The following FRMD4B variants were observed in gnomAD, a reference collection of about 807,000 sequenced individuals.
The protein encoded by FRMD4B is FERM domain containing 4B.
Under a neutral mutation model 141.5 loss-of-function variants are expected in FRMD4B, and 74 were observed. The observed-to-expected ratio is 0.52, with a 90% CI of 0.43 to 0.63. The LOEUF (loss-of-function observed/expected upper bound fraction) is 0.63. Ranked by LOEUF, FRMD4B falls within the 30% of genes least tolerant of loss-of-function variation. FRMD4B has a pLI of 0.00. For synonymous variants in FRMD4B, 506 were observed against 467.9 expected, an observed-to-expected ratio of 1.08 and a Z score of -1.05; for missense variants, 1,366 against 1,253.4, an observed-to-expected ratio of 1.09 and a Z score of -1.36.
intron 1 of FRMD4B, among the ~76,000 whole-genome samples, chr3:69,343,613 T>A (rs1702824722): frequency 1.4e-5 from 2 of 142,928 alleles, no homozygotes; most frequent in Non-Finnish European, 3.0e-5. Flanking sequence ...GGGGTCTCGC[T>A]CTGTCACCCA....
intron 1 of FRMD4B, among the ~76,000 whole-genome samples, chr3:69,487,330 T>A (rs1706231200): frequency 6.6e-6 from 1 of 152,198 alleles, no homozygotes; most frequent in East Asian, 1.9e-4. Context: ...AAGTTAGAGA[T>A]AAGGCGTGTA....
intron 1 of FRMD4B, among the ~76,000 whole-genome samples, chr3:69,464,957 C>T (rs918432807): frequency 1.3e-5 from 2 of 152,116 alleles, no homozygotes; most frequent in African/African-American, 2.4e-5. Flanking sequence ...GGAAAACTTA[C>T]AGATTAAAAG....
chr3:69,404,952 T>A (rs1704625786), intron 2 of FRMD4B, among the ~76,000 whole-genome samples: 1 of 152,172 alleles, frequency 6.6e-6, no homozygotes, highest in African/African-American at 2.4e-5. Context: ...TGAAAGAGAT[T>A]AAAAACTTGG....
chr3:69,246,215 G>T (rs529035861), intron 7 of FRMD4B, among the ~76,000 whole-genome samples: 1 of 152,284 alleles, frequency 6.6e-6, no homozygotes, highest in East Asian at 1.9e-4. Context: ...CGGCGCTTTG[G>T]GAGGCCAACA....
At position 69,195,090 on chromosome 3, in the gene FRMD4B, G is replaced by T; in HGVS notation, c.1420C>A (p.Pro474Thr). 2 of 1,613,688 alleles carry T rather than the reference G, an allele frequency of 1.2e-6. No homozygotes were observed. Among genetic ancestry groups the T allele is most frequent in the Non-Finnish European group, 1.7e-6 (2 of 1,179,604 alleles). ...KEYPLNIGEK[P>T]PQVRRRVGTA... ...CCCACACGTCTTCTGACCTGAGGAG[G>T]CTTCTCGCCTATGTTCAGGGGATAC... The change falls in exon 16 of 23, where the codon CCT becomes ACT. Residue 474 changes from proline to threonine, a missense_variant. Transcript: ENST00000398540.
intron 2 of FRMD4B, among the ~76,000 whole-genome samples, chr3:69,427,061 G>T (rs781547295): frequency 1.1e-4 from 16 of 152,040 alleles, no homozygotes; most frequent in Non-Finnish European, 2.2e-4. Context: ...TCTCAGGTGT[G>T]CTGAGAGAAA....
intron 1 of FRMD4B, among the ~76,000 whole-genome samples, chr3:69,457,017 C>T (rs977511583): frequency 3.9e-5 from 6 of 152,102 alleles, no homozygotes; most frequent in African/African-American, 1.4e-4. Flanking sequence ...TTTGTGCAGT[C>T]TAATTCACAT....
intron 1 of FRMD4B, among the ~76,000 whole-genome samples, chr3:69,377,751 C>A (rs1443649201): frequency 2.6e-5 from 4 of 152,118 alleles, no homozygotes; most frequent in Non-Finnish European, 5.9e-5. Flanking sequence ...AGGTCAGCTG[C>A]AGTTTTTGTT....
chr3:69,226,061 C>A (rs1417229767), intron 7 of FRMD4B, among the ~76,000 whole-genome samples: 1 of 152,178 alleles, frequency 6.6e-6, no homozygotes, highest in African/African-American at 2.4e-5. Context: ...CTATTATTAT[C>A]TATTTAAGTA....
chr3:69,174,263 A>C (rs1412037670), intron 22 of FRMD4B, among the ~76,000 whole-genome samples: 1 of 152,176 alleles, frequency 6.6e-6, no homozygotes, highest in Non-Finnish European at 1.5e-5. Context: ...TTTGAGTGGA[A>C]TATCATATTG....
At chr3:69,454,154 G>A (rs1446539605) in intron 1 of FRMD4B, among the ~76,000 whole-genome samples, 1 of 152,228 alleles carries the variant, frequency 6.6e-6, no homozygotes, top group Non-Finnish European at 1.5e-5. Flanking sequence ...AGGAATTTCT[G>A]AGTGGGCTGT....
At chr3:69,226,623 A>T (rs1055306606) in intron 7 of FRMD4B, among the ~76,000 whole-genome samples, 1 of 152,128 alleles carries the variant, frequency 6.6e-6, no homozygotes, top group African/African-American at 2.4e-5. Flanking sequence ...TGTTTCAAGA[A>T]CCCAGCCTAG....
At chr3:69,287,718 G>C (rs778973962) in intron 5 of FRMD4B, 34 bp downstream of exon 5, 1 of 1,079,862 alleles carries the variant, frequency 9.3e-7, no homozygotes, top group Non-Finnish European at 1.4e-6. Flanking sequence ...TCGCTCTGGA[G>C]GCATCCAGTG....
At chr3:69,456,615 G>A (rs1023636708) in intron 1 of FRMD4B, among the ~76,000 whole-genome samples, 4 of 151,812 alleles carry the variant, frequency 2.6e-5, no homozygotes, top group Admixed American at 2.6e-4. Context: ...GGAAAGCAGG[G>A]TCCTTGTCTG....
chr3:69,182,695 T>C lies in FRMD4B; in HGVS notation c.1942A>G (p.Ser648Gly), dbSNP rs1399300373. The change falls in exon 20 of 23, where the codon AGC becomes GGC. Residue 648 changes from serine to glycine, a missense_variant. Transcript: ENST00000398540. ...QSREMLSTHSSPYKTLERRPQ... is the reference protein window; with the variant it reads ...QSREMLSTHSGPYKTLERRPQ... ...CGCCTCTCCAGAGTTTTGTAAGGGCTGCTGTGTGTGGACAGCATTTCTCTG... is the reference window on the plus strand; with the variant it reads ...CGCCTCTCCAGAGTTTTGTAAGGGCCGCTGTGTGTGGACAGCATTTCTCTG... The C allele has an allele frequency of 1.2e-6, 2 of 1,613,538 alleles. No homozygotes were observed. Among genetic ancestry groups the C allele is most frequent in the East Asian group, 2.2e-5 (1 of 44,876 alleles).
At chr3:69,409,371 G>C (rs1704714861) in intron 2 of FRMD4B, among the ~76,000 whole-genome samples, 1 of 152,112 alleles carries the variant, frequency 6.6e-6, no homozygotes, top group Non-Finnish European at 1.5e-5. Context: ...CCTAGGCATG[G>C]TCCCATTTCT....
At position 69,355,027 on chromosome 3, in the gene FRMD4B, GAA is replaced by G. The variant is rs57898618; in HGVS notation, c.162+30799_162+30800del. 3.5e-3 allele frequency among the ~76,000 whole-genome samples: 513 copies of G among 145,480 alleles called. 2 individuals carry two copies. Among genetic ancestry groups the G allele is most frequent in the African/African-American group, 0.011 (440 of 40,446 alleles). The stretch of plus-strand genomic sequence containing the variant: ...ATACTTGTAGGATAAATGGAAAAAG[GAA>G]AAAAAAAAAAGCTGGGCAATGATAT... On this transcript the variant is annotated intron_variant, in intron 1 of 22. Coordinates refer to ENST00000398540, the MANE Select transcript of FRMD4B (RefSeq NM_015123.3).
chr3:69,327,474 T>C (rs1028871640), intron 1 of FRMD4B, among the ~76,000 whole-genome samples: 1 of 152,218 alleles, frequency 6.6e-6, no homozygotes, highest in Non-Finnish European at 1.5e-5. Context: ...CAAAAATTAA[T>C]TAGAAAATCA....
chr3:69,221,743 T>C (rs2107747098), intron 9 of FRMD4B, 115 bp downstream of exon 9: 1 of 685,992 alleles, frequency 1.5e-6, no homozygotes, highest in East Asian at 2.7e-5. Flanking sequence ...CAGTAAGATA[T>C]TTCTAACCAG....
Sources: allele counts gnomAD v4.1 joint callset (sites outside exome capture counted in the v4.1 genomes callset), GRCh38; gene constraint gnomAD v4.1.1; transcripts MANE v1.5; gene names NCBI Gene and HGNC (gene_info 2026-07-23, HGNC 2026-07-21).